VPS54: variants seen among roughly 807,000 people sequenced by gnomAD.
VPS54 encodes the protein VPS54 subunit of GARP complex, also known as vacuolar protein sorting-associated protein 54.
In VPS54, 45 loss-of-function variants were observed where a neutral mutation model predicts 121.5. That is an observed-to-expected ratio of 0.37 (90% CI 0.29 to 0.47). The LOEUF (loss-of-function observed/expected upper bound fraction) is 0.47, where lower values mean the gene tolerates loss of function less well. Among genes scored for constraint, VPS54 ranks in the 20% least tolerant of loss-of-function variants. The probability of loss-of-function intolerance (pLI) is 0.99; values close to 1 mark genes in which losing one functional copy is unlikely to be tolerated. For synonymous variants in VPS54, 371 were observed against 385.8 expected (o/e 0.96, Z 0.45); for missense variants, 1,090 against 1,131.4 (o/e 0.96, Z 0.52).
intron 9 of VPS54, among the ~76,000 whole-genome samples, chr2:63,946,301 C>G (rs959969427): frequency 5.9e-5 from 9 of 152,088 alleles, no homozygotes; most frequent in Admixed American, 4.6e-4. Flanking sequence ...GGAATTTGGG[C>G]TGTTTCCAGT....
intron 5 of VPS54, among the ~76,000 whole-genome samples, chr2:63,968,049 T>C (rs374720044): frequency 3.9e-5 from 6 of 152,284 alleles, no homozygotes; most frequent in South Asian, 4.1e-4. Flanking sequence ...ATGACAAACT[T>C]TGAGTTTTAT....
chr2:63,981,730 A>T lies in VPS54; in HGVS notation c.294T>A (p.Phe98Leu). 1 of 1,613,778 alleles carries T rather than the reference A, an allele frequency of 6.2e-7. No individual in the cohort carries two copies. The highest frequency in any genetic ancestry group is 8.5e-7 in the Non-Finnish European group (1 of 1,179,780). The part of the protein sequence containing the change: ...DFFTKTWGLD[F>L]VDTEVIPSFY... ...ATGAAGGTATGACTTCAGTGTCCAC[A>T]AAGTCCAATCCCCATGTTTTTGTGA... The change falls in exon 3 of 23, where the codon TTT becomes TTA. Residue 98 changes from phenylalanine (F) to leucine (L), a missense_variant. Transcript: ENST00000272322.
intron 12 of VPS54, among the ~76,000 whole-genome samples, chr2:63,932,893 A>G (rs1674279832): frequency 1.3e-5 from 2 of 152,124 alleles, no homozygotes; most frequent in African/African-American, 4.8e-5. Context: ...GTTTCCTTGT[A>G]TTTAATCAGT....
intron 1 of VPS54, among the ~76,000 whole-genome samples, chr2:63,990,406 C>A (rs1225023291): frequency 6.6e-6 from 1 of 152,152 alleles, no homozygotes; most frequent in Non-Finnish European, 1.5e-5. Flanking sequence ...GCTCCAGGAC[C>A]AAACTACAAT....
chr2:63,970,212 TACAC>T lies in VPS54; in HGVS notation c.458-1225_458-1222del, dbSNP rs150635007. Among the ~76,000 whole-genome samples, 427 of 113,690 alleles carry T rather than the reference TACAC, an allele frequency of 3.8e-3. 4 individuals are homozygous for T. The highest frequency in any genetic ancestry group is 0.015 in the South Asian group (52 of 3,372). 74.6% of individuals were successfully genotyped at this position (113,690 alleles called of 152,430 possible). On this transcript the variant is annotated intron_variant, in intron 4 of 22. Transcript: ENST00000272322. Reference sequence around the variant, plus strand: ...TTCCCATTAAAAAAAAATATATATATACACACACACACACACACACACACATTCT... The same window carrying T: ...TTCCCATTAAAAAAAAATATATATATACACACACACACACACACACATTCT...
chr2:63,997,871 C>T (rs973297952), intron 1 of VPS54, among the ~76,000 whole-genome samples: 7 of 151,818 alleles, frequency 4.6e-5, no homozygotes, highest in Admixed American at 1.3e-4. Flanking sequence ...TTGCTGTATC[C>T]TCATAGATTT....
intron 18 of VPS54, among the ~76,000 whole-genome samples, chr2:63,912,871 A>G (rs1673213932): frequency 6.6e-6 from 1 of 152,190 alleles, no homozygotes; most frequent in African/African-American, 2.4e-5. Flanking sequence ...TGCTTTCACA[A>G]AGGACTCAAG....
At chr2:63,983,153 ATTT>A (rs36020182) in intron 2 of VPS54, among the ~76,000 whole-genome samples, 1 of 144,386 alleles carries the variant, frequency 6.9e-6, no homozygotes, top group African/African-American at 2.5e-5. Flanking sequence ...TTTCCAAATG[ATTT>A]TTTTTTTTTT....
intron 12 of VPS54, among the ~76,000 whole-genome samples, chr2:63,931,088 C>G (rs924263695): frequency 6.6e-6 from 1 of 152,118 alleles, no homozygotes; most frequent in Non-Finnish European, 1.5e-5. Context: ...GGCCTTACTG[C>G]CAAAAGTAAT....
intron 7 of VPS54, among the ~76,000 whole-genome samples, chr2:63,960,941 T>C (rs1675740663): frequency 6.6e-6 from 1 of 152,240 alleles, no homozygotes; most frequent in Non-Finnish European, 1.5e-5. Flanking sequence ...TTTCAATGGA[T>C]TCTCAAAGAA....
intron 12 of VPS54, among the ~76,000 whole-genome samples, chr2:63,925,814 AAGG>A (rs1673872399): frequency 6.6e-6 from 1 of 152,228 alleles, no homozygotes; most frequent in South Asian, 2.1e-4. Context: ...TTCCTATGGG[AAGG>A]AGTAGTGTAG....
At chr2:63,929,161 G>A (rs1317056607) in intron 12 of VPS54, among the ~76,000 whole-genome samples, 4 of 152,156 alleles carry the variant, frequency 2.6e-5, no homozygotes, top group South Asian at 2.1e-4. Flanking sequence ...TGGACCAAAC[G>A]GACCTAATAG....
intron 1 of VPS54, among the ~76,000 whole-genome samples, chr2:63,992,989 A>G (rs1677399931): frequency 6.6e-6 from 1 of 152,296 alleles, no homozygotes; most frequent in Admixed American, 6.5e-5. Context: ...CACCAGTTCG[A>G]GCCCAGTTTC....
chr2:63,961,450 G>A (rs1675765548), intron 7 of VPS54, among the ~76,000 whole-genome samples: 1 of 152,152 alleles, frequency 6.6e-6, no homozygotes, highest in Non-Finnish European at 1.5e-5. Flanking sequence ...CAGCAGATAT[G>A]AACTTCTACA....
chr2:63,930,879 CAG>C (rs1674161897), intron 12 of VPS54, among the ~76,000 whole-genome samples: 1 of 146,028 alleles, frequency 6.8e-6, no homozygotes, highest in African/African-American at 2.6e-5. Context: ...AACAGACAAA[CAG>C]AGAGCCAAAT....
intron 1 of VPS54, among the ~76,000 whole-genome samples, chr2:63,997,108 A>G (rs1478928621): frequency 6.6e-6 from 1 of 152,170 alleles, no homozygotes; most frequent in Non-Finnish European, 1.5e-5. Context: ...AATAGAAGAG[A>G]ACCTATGTTG....
At chr2:63,896,684 C>G (rs1363712019) in intron 22 of VPS54, among the ~76,000 whole-genome samples, 1 of 151,960 alleles carries the variant, frequency 6.6e-6, no homozygotes, top group Non-Finnish European at 1.5e-5. Flanking sequence ...TCCATTTGTT[C>G]TTATAAGTTT....
chr2:63,914,471 G>C (rs1673290439), intron 16 of VPS54, among the ~76,000 whole-genome samples, 184 bp from the exon 17 acceptor site: 1 of 152,226 alleles, frequency 6.6e-6, no homozygotes, highest in African/African-American at 2.4e-5. Flanking sequence ...CACAAGACAA[G>C]AGAGGTGTCT....
intron 21 of VPS54, among the ~76,000 whole-genome samples, chr2:63,898,844 C>G (rs66980330): frequency 0.18 from 26,693 of 151,478 alleles, 2,432 homozygotes; most frequent in Middle Eastern, 0.2. Flanking sequence ...TCCAGGAGAG[C>G]GCAACAGGGC....
Sources: allele counts gnomAD v4.1 joint callset (sites outside exome capture counted in the v4.1 genomes callset), GRCh38; gene constraint gnomAD v4.1.1; transcripts MANE v1.5; gene names NCBI Gene and HGNC (gene_info 2026-07-23, HGNC 2026-07-21).